Variants in NLGN4X observed in about 807,000 individuals in gnomAD.
NLGN4X encodes neuroligin 4 X-linked, also known as neuroligin-4, X-linked.
Under a neutral mutation model 40.3 loss-of-function variants are expected in NLGN4X, and 3 were observed. The observed-to-expected ratio is 0.07, with a 90% CI of 0.03 to 0.19. The LOEUF (loss-of-function observed/expected upper bound fraction) is 0.19. NLGN4X is among the 10% of genes least tolerant of loss of function. NLGN4X has a pLI of 1.00. For missense variants in NLGN4X, 382 were observed against 708.3 expected (o/e 0.54, Z 5.23); for synonymous variants, 270 against 306.8 (o/e 0.88, Z 1.25).
At chrX:6,132,497 C>T (rs1452340744) in intron 2 of NLGN4X, among the ~76,000 whole-genome samples, 2 of 111,529 alleles carry the variant, frequency 1.8e-5, no homozygotes, top group Non-Finnish European at 3.8e-5. Context: ...CTGGTCACCA[C>T]CTACTCCATG....
In NLGN4X at chrX:5,948,807, G is replaced by A. The variant is rs2034215553; in HGVS notation, c.626-39568C>T. 9.8e-5 allele frequency among the ~76,000 whole-genome samples: 11 copies of A among 112,068 alleles called. No homozygotes were observed. In the Admixed American group the frequency reaches 1.0e-3, roughly 11 times the overall value. Reference sequence around the variant, plus strand: ...TTTTATGAGGATCTCCCATGATTCTGTGAGCTGACTGGGCTTAGCTGAGAA... The same window carrying A: ...TTTTATGAGGATCTCCCATGATTCTATGAGCTGACTGGGCTTAGCTGAGAA... On this transcript the variant is annotated intron_variant, in intron 3 of 5. Coordinates refer to ENST00000381095, the MANE Select transcript of NLGN4X (RefSeq NM_181332.3).
Position 6,159,038 on chromosome X carries a change from A to C in NLGN4X, c.-305-7267T>G, listed in dbSNP as rs559953376. Among the ~76,000 whole-genome samples the C allele has an allele frequency of 1.1e-4, 12 of 112,864 alleles. No homozygotes were observed. The South Asian group carries it at 2.5e-3, about 24-fold the overall frequency. On this transcript the variant is annotated intron_variant, in intron 1 of 5. Transcript: ENST00000381095. ...GGCATATTAAAACAGAAGGCTTTAC[A>C]AAACAGTCAAAAATGAATAAAATAC...
intron 1 of NLGN4X, among the ~76,000 whole-genome samples, chrX:6,215,938 G>A (rs780695453): frequency 3.5e-4 from 38 of 107,475 alleles, no homozygotes; most frequent in African/African-American, 1.1e-3. Flanking sequence ...GTGCAGTGGC[G>A]TGATATCAGC....
At chrX:5,914,632 A>G (rs958692863) in intron 3 of NLGN4X, among the ~76,000 whole-genome samples, 10 of 107,968 alleles carry the variant, frequency 9.3e-5, no homozygotes, top group African/African-American at 3.4e-4. Flanking sequence ...ATATATATAT[A>G]TATGCATATA....
At chrX:6,015,935 C>G (rs1489238274) in intron 3 of NLGN4X, among the ~76,000 whole-genome samples, 1 of 111,707 alleles carries the variant, frequency 9.0e-6, no homozygotes, top group East Asian at 2.8e-4. Context: ...TAAGAATGTG[C>G]CATCAAGAAA....
chrX:5,927,440 C>T (rs192883317), intron 3 of NLGN4X, among the ~76,000 whole-genome samples: 14 of 112,016 alleles, frequency 1.2e-4, no homozygotes, highest in East Asian at 8.4e-4. Context: ...TTAAGTATTA[C>T]GTTTGGAGTT....
intron 3 of NLGN4X, among the ~76,000 whole-genome samples, chrX:5,918,732 A>G (rs1197167727): frequency 8.9e-6 from 1 of 111,796 alleles, no homozygotes; most frequent in Non-Finnish European, 1.9e-5. Context: ...CTACATCCTA[A>G]TTCTCATCTT....
rs763980956 is a variant in NLGN4X at position 6,013,500 on chromosome X, GA to G, written c.625+15779del. 3.8e-5 allele frequency among the ~76,000 whole-genome samples: 4 copies of G among 105,104 alleles called. No individual in the cohort carries two copies. The East Asian group carries it at 1.3e-3, about 34-fold the overall frequency. 91.3% of individuals were successfully genotyped at this position (105,104 alleles called of 115,157 possible). On this transcript the variant is annotated intron_variant, in intron 3 of 5. Coordinates refer to ENST00000381095, the MANE Select transcript of NLGN4X (RefSeq NM_181332.3). ...AAACCCTGCAACGGCTAATCATTCA[GA>G]AACTGCTTATTGTCCGGTAGACACT...
chrX:5,927,580 T>C (rs2033382275), intron 3 of NLGN4X, among the ~76,000 whole-genome samples: 2 of 112,228 alleles, frequency 1.8e-5, no homozygotes, highest in African/African-American at 6.5e-5. Context: ...AAAAGAGAAT[T>C]TACTTTACTT....
intron 2 of NLGN4X, among the ~76,000 whole-genome samples, chrX:6,138,299 T>A (rs1328535515): frequency 9.0e-6 from 1 of 111,588 alleles, no homozygotes; most frequent in Non-Finnish European, 1.9e-5. Flanking sequence ...TGAGAATAGA[T>A]GCTTGACACT....
intron 2 of NLGN4X, among the ~76,000 whole-genome samples, chrX:6,036,457 A>C (rs900689642): frequency 4.7e-4 from 52 of 111,711 alleles, no homozygotes; most frequent in African/African-American, 1.5e-3. Flanking sequence ...GTCCATGTAA[A>C]TATAACTAAT....
chrX:6,061,026 T>C (rs1184035244), intron 2 of NLGN4X, among the ~76,000 whole-genome samples: 1 of 112,338 alleles, frequency 8.9e-6, no homozygotes, highest in Non-Finnish European at 1.9e-5. Context: ...TTATAGCTAA[T>C]TGACTTGCTT....
At chrX:5,956,946 G>C (rs1397378807) in intron 3 of NLGN4X, among the ~76,000 whole-genome samples, 1 of 110,827 alleles carries the variant, frequency 9.0e-6, no homozygotes, top group Non-Finnish European at 1.9e-5. Flanking sequence ...TAAGAAGTTG[G>C]GAATATTCTG....
intron 2 of NLGN4X, among the ~76,000 whole-genome samples, chrX:6,053,194 C>T (rs960739819): frequency 3.6e-5 from 4 of 112,090 alleles, no homozygotes; most frequent in African/African-American, 1.3e-4. Flanking sequence ...TCTGTGAAAA[C>T]GGAAATCTGG....
chrX:6,221,391 T>TTATATA (rs60897428), intron 1 of NLGN4X, among the ~76,000 whole-genome samples: 1,353 of 53,134 alleles, frequency 0.025, 20 homozygotes, highest in African/African-American at 0.034. Flanking sequence ...CCTTCTTATA[T>TTATATA]TATATATATA....
intron 2 of NLGN4X, among the ~76,000 whole-genome samples, chrX:6,148,953 A>G (rs1233227443): frequency 8.9e-6 from 1 of 112,056 alleles, no homozygotes; most frequent in African/African-American, 3.2e-5. Context: ...AAAATTCTAA[A>G]GTTTACACAT....
intron 3 of NLGN4X, among the ~76,000 whole-genome samples, chrX:5,997,565 C>CGTGT (rs535392837): frequency 0.22 from 14,579 of 67,394 alleles, 897 homozygotes; most frequent in East Asian, 0.51. Flanking sequence ...TATAAAATTA[C>CGTGT]ATGTGTGTGT....
intron 1 of NLGN4X, among the ~76,000 whole-genome samples, chrX:6,172,095 G>A (rs758652302): frequency 9.8e-5 from 11 of 111,912 alleles, no homozygotes; most frequent in Admixed American, 1.9e-4. Flanking sequence ...GCAGAACCAT[G>A]AGCCAATTAA....
At chrX:6,167,260 C>T (rs1328045336) in intron 1 of NLGN4X, among the ~76,000 whole-genome samples, 2 of 109,959 alleles carry the variant, frequency 1.8e-5, no homozygotes, top group Non-Finnish European at 3.8e-5. Flanking sequence ...GCTGTGCACA[C>T]AAGTAATGAA....
Sources: allele counts gnomAD v4.1 joint callset (sites outside exome capture counted in the v4.1 genomes callset), GRCh38; gene constraint gnomAD v4.1.1; transcripts MANE v1.5; gene names NCBI Gene and HGNC (gene_info 2026-07-23, HGNC 2026-07-21).